REEP1: variants seen among roughly 807,000 people sequenced by gnomAD.
REEP1 encodes receptor expression-enhancing protein 1.
REEP1 carries 22 observed loss-of-function variants against 40.3 expected under a neutral mutation model. The observed-to-expected ratio is 0.55, with a 90% CI of 0.39 to 0.78. REEP1 has a LOEUF of 0.78. Among genes scored for constraint, REEP1 ranks in the 30% least tolerant of loss-of-function variants. The pLI is 0.00. For missense variants in REEP1, 280 were observed against 361.1 expected, an observed-to-expected ratio of 0.78 and a Z score of 1.82; for synonymous variants, 116 against 139.2, an observed-to-expected ratio of 0.83 and a Z score of 1.17.
At chr2:86,226,850 T>C (rs914549147) in intron 7 of REEP1, among the ~76,000 whole-genome samples, 1 of 152,102 alleles carries the variant, frequency 6.6e-6, no homozygotes, top group Non-Finnish European at 1.5e-5. Flanking sequence ...TCTCCTCCCC[T>C]TGAATGTGGG....
chr2:86,251,871 C>T (rs1455522035), intron 5 of REEP1, 86 bp downstream of exon 5: 2 of 926,572 alleles, frequency 2.2e-6, no homozygotes, highest in Non-Finnish European at 3.6e-6. Flanking sequence ...TGGTCCTTAG[C>T]CTGTTCTGTG....
At chr2:86,240,534 C>T (rs904830081) in intron 5 of REEP1, among the ~76,000 whole-genome samples, 6 of 152,054 alleles carry the variant, frequency 3.9e-5, no homozygotes, top group Non-Finnish European at 8.8e-5. Context: ...TGGGCCAGGG[C>T]GTGAGAGTGG....
chr2:86,227,435 C>T, intron 6 of REEP1, 37 bp from the exon 7 acceptor site: 1 of 1,231,898 alleles, frequency 8.1e-7, no homozygotes, highest in Non-Finnish European at 1.0e-6. Context: ...CAGTGACATC[C>T]CCCACTGGAC....
intron 1 of REEP1, among the ~76,000 whole-genome samples, chr2:86,285,438 A>C (rs1574081842): frequency 6.6e-6 from 1 of 152,330 alleles, no homozygotes; most frequent in East Asian, 1.9e-4. Flanking sequence ...TATATCATTG[A>C]GTGTTCACTA....
In REEP1 at chr2:86,279,443, G is replaced by C. The variant is rs114336642; in HGVS notation, c.105+2727C>G. Among the ~76,000 whole-genome samples, 1,366 of 152,328 alleles carry C rather than the reference G, an allele frequency of 9.0e-3. 25 individuals are homozygous for C. The highest frequency in any genetic ancestry group is 0.032 in the African/African-American group (1,320 of 41,558). ...CATGTGGCAACAGAGTGGGAAAGCA[G>C]GGACAGGAGGCAGGAGAACCAGTTA... On this transcript the variant is annotated intron_variant, in intron 2 of 8. Coordinates refer to ENST00000538924, the MANE Select transcript of REEP1 (RefSeq NM_001371279.1).
intron 1 of REEP1, among the ~76,000 whole-genome samples, chr2:86,315,326 T>C (rs1215653085): frequency 2.6e-5 from 4 of 152,240 alleles, no homozygotes; most frequent in Admixed American, 2.6e-4. Flanking sequence ...GCTGGCACTA[T>C]GGTGCTCTCG....
upstream of REEP1, among the ~76,000 whole-genome samples, chr2:86,337,837 G>T (rs954541755): frequency 2.2e-4 from 34 of 152,072 alleles, no homozygotes; most frequent in Non-Finnish European, 3.4e-4. This position sits in a 1 kb window ranked among gnomAD's most constrained non-coding sequence, Gnocchi z 5.8. Flanking sequence ...CCGGGGCACC[G>T]GCCCCGCCAA....
At chr2:86,244,056 G>C (rs6715262) in intron 5 of REEP1, among the ~76,000 whole-genome samples, 3,038 of 152,206 alleles carry the variant, frequency 0.02, 99 homozygotes, top group African/African-American at 0.069. Context: ...ACACAGGGAG[G>C]TTTTATAAAA....
At chr2:86,307,339 A>C (rs948141371) in intron 1 of REEP1, among the ~76,000 whole-genome samples, 1 of 152,200 alleles carries the variant, frequency 6.6e-6, no homozygotes, top group Non-Finnish European at 1.5e-5. Flanking sequence ...AAACAACCTA[A>C]ATGTCTAACA....
At chr2:86,258,805 T>C (rs1676703745) in intron 3 of REEP1, among the ~76,000 whole-genome samples, 1 of 152,078 alleles carries the variant, frequency 6.6e-6, no homozygotes, top group East Asian at 1.9e-4. Flanking sequence ...ACCCACCACA[T>C]TTCCTCCATC....
Position 86,232,700 on chromosome 2 carries a change from C to G in REEP1, c.520G>C (p.Gly174Arg). Residue 174 changes from glycine to arginine, a missense_variant, in exon 6 of 9, where the codon GGG becomes CGG. This residue lies in a region of REEP1 where 201 missense variants were observed against 238.5 expected (regional missense o/e 0.84). Coordinates refer to ENST00000538924, the MANE Select transcript of REEP1 (RefSeq NM_001371279.1). ...APAPSGPPPP[G>R]SGRASGKHGQ... ...TGTTTGCCGCTGGCCCGCCCAGACC[C>G]CGGTGGTGGGGGGCCCGAGGGAGCA... 1 of 1,611,600 alleles carries G rather than the reference C, an allele frequency of 6.2e-7. No individual in the cohort carries two copies. The highest frequency in any genetic ancestry group is 8.5e-7 in the Non-Finnish European group (1 of 1,179,994).
intron 5 of REEP1, among the ~76,000 whole-genome samples, chr2:86,247,911 T>C (rs936174249): frequency 6.6e-6 from 1 of 152,124 alleles, no homozygotes; most frequent in Non-Finnish European, 1.5e-5. Flanking sequence ...ACAAATTTTT[T>C]CCACAATTCA....
intron 1 of REEP1, among the ~76,000 whole-genome samples, chr2:86,296,960 G>A (rs1679013323): frequency 6.6e-6 from 1 of 152,164 alleles, no homozygotes; most frequent in Non-Finnish European, 1.5e-5. Context: ...TCAAAACAGC[G>A]AGGGACCGTG....
In REEP1 at chr2:86,220,105, C is replaced by T. The variant is rs1674337014; in HGVS notation, c.648G>A (p.Val216=). 8.1e-7 allele frequency: 1 copy of T among 1,232,008 alleles called. No individual in the cohort carries two copies. The highest frequency in any genetic ancestry group is 1.0e-6 in the Non-Finnish European group (1 of 987,974). The allele number at this position is 1,232,008 out of a possible 1,614,324, so 76.3% of individuals were successfully genotyped here. A position where few individuals can be genotyped will look rare whatever the true frequency, so the allele number is the denominator to read the frequency against. ...CCCATGCCTTCATACCACCCTCATT[C>T]ACATCTCCCTCAACCACTTAATGTC... ...CRTWKVVEGD[V]NEGGMKAWEP... is the part of the protein sequence containing the mutation. Residue 216 remains valine, a synonymous_variant, in exon 8 of 9, where the codon GTG becomes GTA. Transcript: ENST00000538924.
intron 1 of REEP1, among the ~76,000 whole-genome samples, chr2:86,321,685 G>C (rs771484261): frequency 1.1e-4 from 17 of 152,196 alleles, no homozygotes; most frequent in Non-Finnish European, 1.6e-4. Context: ...TTACCACTTA[G>C]ACTAAAGACC....
chr2:86,332,723 A>C (rs1002778712), intron 1 of REEP1, among the ~76,000 whole-genome samples: 8 of 152,258 alleles, frequency 5.3e-5, no homozygotes, highest in Non-Finnish European at 8.8e-5. Flanking sequence ...GCTACTTCTC[A>C]GCAGACAGGC....
chr2:86,272,197 G>C (rs996189814), intron 2 of REEP1, among the ~76,000 whole-genome samples: 3 of 152,172 alleles, frequency 2.0e-5, no homozygotes, highest in Non-Finnish European at 2.9e-5. Flanking sequence ...ACTCCAGCCT[G>C]GGCAACAAGA....
rs186739647 is a variant in REEP1, at chr2:86,319,629, T to C, written c.32+17850A>G. Reference sequence around the variant, plus strand: ...AGAATCACTTGAACCTAGGAGGCAATGGTTGCAGTGAGCCAAGGTTCTGCC... The same window carrying C: ...AGAATCACTTGAACCTAGGAGGCAACGGTTGCAGTGAGCCAAGGTTCTGCC... On this transcript the variant is annotated intron_variant, in intron 1 of 8. Coordinates refer to ENST00000538924, the MANE Select transcript of REEP1 (RefSeq NM_001371279.1). Among the ~76,000 whole-genome samples, 5 of 151,836 alleles carry C rather than the reference T, an allele frequency of 3.3e-5. No homozygotes were observed. In the East Asian group the frequency reaches 9.7e-4, roughly 29 times the overall value.
intron 1 of REEP1, among the ~76,000 whole-genome samples, 180 bp from the exon 2 acceptor site, chr2:86,282,422 C>T (rs1008037472): frequency 3.3e-5 from 5 of 152,046 alleles, no homozygotes; most frequent in African/African-American, 1.2e-4. Context: ...CCTTGGGCAC[C>T]TCTATCTTCT....
Sources: allele counts gnomAD v4.1 joint callset (sites outside exome capture counted in the v4.1 genomes callset), GRCh38; gene constraint gnomAD v4.1.1; regional missense constraint gnomAD v4.1.1; non-coding constraint Gnocchi (gnomAD v3.1); transcripts MANE v1.5; gene names NCBI Gene and HGNC (gene_info 2026-07-23, HGNC 2026-07-21).